SRGAP3: variants seen among roughly 807,000 people sequenced by gnomAD.
SRGAP3 encodes the protein SLIT-ROBO Rho GTPase activating protein 3.
Under a neutral mutation model 121.1 loss-of-function variants are expected in SRGAP3, and 39 were observed. The ratio of observed to expected loss-of-function variants is 0.32; its 90% CI spans 0.25 to 0.42. SRGAP3 has a LOEUF of 0.42. Among genes scored for constraint, SRGAP3 ranks in the 10% least tolerant of loss-of-function variants. SRGAP3 has a pLI of 1.00. For missense variants in SRGAP3, 1,213 were observed against 1,470.6 expected, an observed-to-expected ratio of 0.82 and a Z score of 2.86; for synonymous variants, 601 against 570.0, an observed-to-expected ratio of 1.05 and a Z score of -0.77.
chr3:9,348,840 A>T (rs2029895873), intron 1 of SRGAP3: 1 of 1,328,544 alleles, frequency 7.5e-7, no homozygotes, highest in South Asian at 1.2e-5. Context: ...CCTTTCTACA[A>T]CATCAGTAAG....
In SRGAP3 at chr3:9,058,597, C is replaced by T. The variant is rs1376267569; in HGVS notation, c.802-125G>A. 3.9e-6 allele frequency: 4 copies of T among 1,029,196 alleles called. No individual in the cohort carries two copies. In the African/African-American group the frequency reaches 6.3e-5, roughly 16 times the overall value. The allele number at this position is 1,029,196 out of a possible 1,614,324, so 63.8% of individuals were successfully genotyped here. A position where few individuals can be genotyped will look rare whatever the true frequency, so the allele number is the denominator to read the frequency against. ...AGCCGAATCTTCCATCCCGGAGGCC[C>T]CAAGGCACTTTGGAATCCTACTGCA... On this transcript the variant is annotated intron_variant, in intron 6 of 21. Coordinates refer to ENST00000383836, the MANE Select transcript of SRGAP3 (RefSeq NM_014850.4).
At chr3:9,166,712 T>C (rs567654345) in intron 1 of SRGAP3, among the ~76,000 whole-genome samples, 1 of 152,174 alleles carries the variant, frequency 6.6e-6, no homozygotes, top group Non-Finnish European at 1.5e-5. Flanking sequence ...CCTCGTTATT[T>C]ACAGACCTCC....
chr3:9,171,890 C>T (rs1179478030), intron 1 of SRGAP3, among the ~76,000 whole-genome samples: 1 of 151,948 alleles, frequency 6.6e-6, no homozygotes, highest in Non-Finnish European at 1.5e-5. Context: ...TTGGTTCCTT[C>T]CAAGGCTGTG....
At chr3:9,298,171 A>G (rs1954983900) in intron 3 of SRGAP3, among the ~76,000 whole-genome samples, 1 of 152,228 alleles carries the variant, frequency 6.6e-6, no homozygotes, top group African/African-American at 2.4e-5. Flanking sequence ...TGAAAGATAA[A>G]ATAGGAATAT....
At chr3:9,039,543 T>C (rs1944922992) in intron 10 of SRGAP3, among the ~76,000 whole-genome samples, 1 of 152,242 alleles carries the variant, frequency 6.6e-6, no homozygotes. Context: ...TCAGTGATTT[T>C]TAGTGACTAT....
intron 17 of SRGAP3, 28 bp downstream of exon 17, chr3:9,013,277 GATA>G (rs765840340): frequency 9.4e-6 from 15 of 1,596,072 alleles, no homozygotes; most frequent in African/African-American, 4.0e-5. Context: ...CAATGACGAT[GATA>G]ATAATATTAA....
intron 1 of SRGAP3, among the ~76,000 whole-genome samples, chr3:9,145,651 C>T (rs1264493105): frequency 6.6e-6 from 1 of 152,082 alleles, no homozygotes; most frequent in East Asian, 1.9e-4. Context: ...ATTCGGCAGA[C>T]ACTAACAAAT....
At chr3:9,210,301 A>G (rs1055422548) in intron 1 of SRGAP3, among the ~76,000 whole-genome samples, 5 of 152,248 alleles carry the variant, frequency 3.3e-5, no homozygotes, top group African/African-American at 1.2e-4. Context: ...TTTGTGGTAC[A>G]TAATTCACAT....
At chr3:9,302,332 C>T (rs909850891) in intron 3 of SRGAP3, among the ~76,000 whole-genome samples, 1 of 152,168 alleles carries the variant, frequency 6.6e-6, no homozygotes, top group African/African-American at 2.4e-5. Context: ...TCACCCCTCC[C>T]CAGCCTGCCT....
At chr3:9,175,566 C>T (rs930178848) in intron 1 of SRGAP3, among the ~76,000 whole-genome samples, 2 of 152,236 alleles carry the variant, frequency 1.3e-5, no homozygotes, top group Admixed American at 6.5e-5. Context: ...CAGGGAAAGG[C>T]TGGTCTGCTA....
chr3:9,328,775 G>A (rs951884516), intron 2 of SRGAP3, among the ~76,000 whole-genome samples: 3 of 152,192 alleles, frequency 2.0e-5, no homozygotes, highest in African/African-American at 4.8e-5. Flanking sequence ...CTTAGCTACC[G>A]AGCTACAGCG....
At chr3:9,250,863 T>G (rs1237266690), upstream of SRGAP3, among the ~76,000 whole-genome samples, 3 of 152,200 alleles carry the variant, frequency 2.0e-5, no homozygotes, top group African/African-American at 7.2e-5. Context: ...AGAATAAGAT[T>G]CATTCTGTAA....
chr3:9,207,795 G>A (rs146758770), intron 1 of SRGAP3, among the ~76,000 whole-genome samples: 285 of 152,258 alleles, frequency 1.9e-3, no homozygotes, highest in African/African-American at 6.4e-3. Context: ...GAGGGCAGGC[G>A]GCTGAGAGCT....
In SRGAP3 at chr3:8,992,922, C is replaced by CA; in HGVS notation, c.2541dup (p.Gly848TrpfsTer12). On this transcript the variant is annotated frameshift_variant, in exon 20 of 22. Coordinates refer to ENST00000383836, the MANE Select transcript of SRGAP3 (RefSeq NM_014850.4). LOFTEE classifies it high-confidence loss of function. ...ATATCCTACCGGCCCATCACCCCCCCAAAGCCGTAATCCGAGATGTGCTCC... is the reference window on the plus strand; with the variant it reads ...ATATCCTACCGGCCCATCACCCCCCCAAAAGCCGTAATCCGAGATGTGCTCC... 1 of 1,614,216 alleles carries CA rather than the reference C, an allele frequency of 6.2e-7. No homozygotes were observed. Among genetic ancestry groups the CA allele is most frequent in the Non-Finnish European group, 8.5e-7 (1 of 1,180,038 alleles).
chr3:9,301,406 G>T (rs1466021778), intron 3 of SRGAP3, among the ~76,000 whole-genome samples: 3 of 152,242 alleles, frequency 2.0e-5, no homozygotes, highest in African/African-American at 7.2e-5. Flanking sequence ...GGGGAAGGTG[G>T]CCCTTAAAGG....
Position 9,274,853 on chromosome 3 carries a change from T to C in SRGAP3, n.442+51157A>G, listed in dbSNP as rs115474185. Among the ~76,000 whole-genome samples, 807 of 152,292 alleles carry C rather than the reference T, an allele frequency of 5.3e-3. 3 individuals are homozygous for C. The highest frequency in any genetic ancestry group is 0.017 in the Middle Eastern group (5 of 294). ...TGTCCCTCTGAAGTCAAGCCACTTCTCTCCAATGTCCAGCCATAGTCTCTG... is the reference window on the plus strand; with the variant it reads ...TGTCCCTCTGAAGTCAAGCCACTTCCCTCCAATGTCCAGCCATAGTCTCTG... On this transcript the variant is annotated intron_variant and non_coding_transcript_variant, in intron 3 of 3. Transcript: ENST00000490889.
intron 6 of SRGAP3, chr3:9,058,758 C>T: frequency 2.7e-6 from 1 of 376,590 alleles, no homozygotes; most frequent in Non-Finnish European, 4.8e-6. Context: ...CTAGCTCTGT[C>T]ACTTAGGCTG....
intron 1 of SRGAP3, among the ~76,000 whole-genome samples, chr3:9,246,599 T>C (rs1271333852): frequency 6.6e-6 from 1 of 152,144 alleles, no homozygotes; most frequent in Non-Finnish European, 1.5e-5. Context: ...TGAAACTGAG[T>C]TCACACTAAC....
intron 3 of SRGAP3, among the ~76,000 whole-genome samples, chr3:9,091,108 GC>G (rs1473766211): frequency 2.0e-5 from 3 of 151,680 alleles, no homozygotes; most frequent in African/African-American, 7.3e-5. Context: ...ACACACATAC[GC>G]CCTTTCATTT....
Sources: allele counts gnomAD v4.1 joint callset (sites outside exome capture counted in the v4.1 genomes callset), GRCh38; gene constraint gnomAD v4.1.1; transcripts MANE v1.5; gene names NCBI Gene and HGNC (gene_info 2026-07-23, HGNC 2026-07-21).